PLXNA4: variants seen among roughly 807,000 people sequenced by gnomAD.
The protein encoded by PLXNA4 is plexin A4, also known as plexin-A4.
A neutral mutation model predicts 191.8 loss-of-function variants in PLXNA4; 44 were observed. The ratio of observed to expected loss-of-function variants is 0.23; its 90% CI spans 0.18 to 0.29. PLXNA4 has a LOEUF of 0.29. PLXNA4 is among the 10% of genes least tolerant of loss of function. PLXNA4 has a pLI of 1.00. For missense variants in PLXNA4, 1,800 were observed against 2,488.8 expected (o/e 0.72, Z 5.89); for synonymous variants, 1,082 against 1,009.5 (o/e 1.07, Z -1.36).
chr7:132,572,952 A>G (rs1469904464), intron 1 of PLXNA4, among the ~76,000 whole-genome samples: 1 of 152,226 alleles, frequency 6.6e-6, no homozygotes, highest in African/African-American at 2.4e-5. Flanking sequence ...GCTTTTAAAT[A>G]TAAATAACAC....
intron 1 of PLXNA4, among the ~76,000 whole-genome samples, chr7:132,570,988 G>A (rs1397059554): frequency 6.6e-6 from 1 of 151,984 alleles, no homozygotes; most frequent in Non-Finnish European, 1.5e-5. Flanking sequence ...GAAATTCCAC[G>A]TGCACCCCTT....
At chr7:132,404,882 G>T (rs956322961) in intron 3 of PLXNA4, among the ~76,000 whole-genome samples, 1 of 152,042 alleles carries the variant, frequency 6.6e-6, no homozygotes, top group Non-Finnish European at 1.5e-5. Context: ...GAAGCTTCAG[G>T]GGGAGTACTG....
At chr7:132,384,715 T>C in intron 3 of PLXNA4, 1 of 1,032,998 alleles carries the variant, frequency 9.7e-7, no homozygotes, top group Non-Finnish European at 1.2e-6. Context: ...GCCCTGTGTA[T>C]GCACACACAC....
chr7:132,236,552 T>G (rs1798708272), intron 5 of PLXNA4, among the ~76,000 whole-genome samples: 2 of 152,138 alleles, frequency 1.3e-5, no homozygotes, highest in South Asian at 4.1e-4. Flanking sequence ...AACAAATGCA[T>G]TGATTCTAGT....
At chr7:132,214,697 G>A (rs920808833) in intron 9 of PLXNA4, among the ~76,000 whole-genome samples, 1 of 152,100 alleles carries the variant, frequency 6.6e-6, no homozygotes, top group Admixed American at 6.5e-5. Context: ...CTGTTTCATG[G>A]CCCAGGGACT....
chr7:132,643,247 G>A (rs932681291), intron 2 of PLXNA4, among the ~76,000 whole-genome samples: 4 of 152,120 alleles, frequency 2.6e-5, no homozygotes, highest in Admixed American at 2.6e-4. Flanking sequence ...GTCTGGTATT[G>A]TTTTTCTGCT....
upstream of PLXNA4, chr7:132,576,556 C>T (rs374246525): frequency 3.1e-5 from 31 of 986,008 alleles, no homozygotes; most frequent in Admixed American, 1.8e-4. This position sits in a 1 kb window ranked among gnomAD's most constrained non-coding sequence, Gnocchi z 5.8. Context: ...AGCCCCAGCC[C>T]CGAACGCAAA....
intron 4 of PLXNA4, among the ~76,000 whole-genome samples, chr7:132,270,493 T>C (rs954555801): frequency 6.6e-6 from 1 of 152,222 alleles, no homozygotes; most frequent in Non-Finnish European, 1.5e-5. Context: ...AGGTTGTTCC[T>C]TAAAATTTAG....
rs370055779 is a variant in PLXNA4 at position 132,342,946 on chromosome 7, C to CAAAA, written c.1372-44728_1372-44725dup. Among the ~76,000 whole-genome samples the CAAAA allele has an allele frequency of 4.8e-3, 494 of 102,278 alleles. 8 individuals carry two copies. The highest frequency in any genetic ancestry group is 0.012 in the African/African-American group (357 of 28,990). The allele number at this position is 102,278 out of a possible 152,430, so 67.1% of individuals were successfully genotyped here. A position where few individuals can be genotyped will look rare whatever the true frequency, so the allele number is the denominator to read the frequency against. On this transcript the variant is annotated intron_variant, in intron 3 of 31. Transcript: ENST00000321063. ...TGGGCAACAGAGTGAGACTCTGCCTCAAAAAAAAAAAAAAAGAAAAAAAAA... is the reference window on the plus strand; with the variant it reads ...TGGGCAACAGAGTGAGACTCTGCCTCAAAAAAAAAAAAAAAAAAAGAAAAAAAAA...
At chr7:132,366,084 AAC>A (rs1396037513) in intron 3 of PLXNA4, 1 of 152,218 alleles carries the variant, frequency 6.6e-6, no homozygotes, top group African/African-American at 2.4e-5. Context: ...TACCTCCTGA[AAC>A]ACACACAGTA....
intron 3 of PLXNA4, among the ~76,000 whole-genome samples, chr7:132,477,487 G>A (rs549248659): frequency 1.3e-5 from 2 of 152,268 alleles, no homozygotes; most frequent in African/African-American, 4.8e-5. Flanking sequence ...GCCAGCCCAG[G>A]GTGCACATGA....
chr7:132,189,004 GA>G (rs773929049), intron 14 of PLXNA4, among the ~76,000 whole-genome samples: 4,752 of 71,084 alleles, frequency 0.067, 406 homozygotes, highest in African/African-American at 0.19. Flanking sequence ...GAGAGAGAGA[GA>G]GAGAGAGAGA....
intron 4 of PLXNA4, among the ~76,000 whole-genome samples, chr7:132,248,031 G>A (rs546808471): frequency 1.3e-5 from 2 of 152,178 alleles, no homozygotes; most frequent in African/African-American, 2.4e-5. Context: ...CAAGTGGTGT[G>A]TACTTCCCCA....
chr7:132,478,983 C>T (rs1398645052), intron 3 of PLXNA4, among the ~76,000 whole-genome samples: 2 of 152,108 alleles, frequency 1.3e-5, no homozygotes, highest in Admixed American at 6.6e-5. Flanking sequence ...AAAAAAGTCT[C>T]ATGGCCAGAC....
At chr7:132,267,985 T>C (rs1309350637) in intron 4 of PLXNA4, among the ~76,000 whole-genome samples, 1 of 152,212 alleles carries the variant, frequency 6.6e-6, no homozygotes, top group Admixed American at 6.5e-5. Flanking sequence ...CCAGTATTGA[T>C]TGGCTTGCTT....
intron 2 of PLXNA4, 140 bp from the exon 3 acceptor site, chr7:132,489,614 G>A (rs1023901071): frequency 2.3e-5 from 19 of 826,356 alleles, no homozygotes; most frequent in East Asian, 8.1e-5. Context: ...CATGAAAAAC[G>A]TCACTCCAGA....
intron 3 of PLXNA4, among the ~76,000 whole-genome samples, chr7:132,333,772 G>A (rs62466381): frequency 0.11 from 16,301 of 152,162 alleles, 1,114 homozygotes; most frequent in Admixed American, 0.21. Flanking sequence ...CTTCCCAAGG[G>A]TCCTGTGGGG....
intron 12 of PLXNA4, among the ~76,000 whole-genome samples, chr7:132,198,888 T>G (rs144856332): frequency 1.3e-5 from 2 of 152,200 alleles, no homozygotes; most frequent in Admixed American, 1.3e-4. Flanking sequence ...ATAGAAGAGA[T>G]GAGAGGATGG....
intron 1 of PLXNA4, among the ~76,000 whole-genome samples, chr7:132,524,415 G>T (rs1003473368): frequency 2.6e-5 from 4 of 152,144 alleles, no homozygotes; most frequent in Admixed American, 2.6e-4. Context: ...AAATGGAAAA[G>T]GGGAAACAGC....
Sources: gnomAD v4.1 joint callset for allele counts (sites outside exome capture counted in the v4.1 genomes callset) on GRCh38, gnomAD v4.1.1 for gene constraint, Gnocchi (gnomAD v3.1) non-coding constraint, MANE v1.5 for transcripts, NCBI Gene and HGNC (gene_info 2026-07-23, HGNC 2026-07-21) for gene names.